The following STARD13 variants were observed in gnomAD, a reference collection of about 807,000 sequenced individuals.
STARD13 encodes the protein stAR-related lipid transfer protein 13.
STARD13 carries 62 observed loss-of-function variants against 106.4 expected under a neutral mutation model. The ratio of observed to expected loss-of-function variants is 0.58; its 90% confidence interval spans 0.48 to 0.72. The LOEUF (loss-of-function observed/expected upper bound fraction) is 0.72. STARD13 is among the 30% of genes least tolerant of loss of function. STARD13 has a pLI of 0.00. For missense variants in STARD13, 1,387 were observed against 1,424.0 expected, an observed-to-expected ratio of 0.97 and a Z score of 0.42; for synonymous variants, 565 against 553.0, an observed-to-expected ratio of 1.02 and a Z score of -0.31.
chr13:33,140,948 G>A (rs1232417238), intron 4 of STARD13, among the ~76,000 whole-genome samples: 5 of 151,920 alleles, frequency 3.3e-5, no homozygotes, highest in Non-Finnish European at 4.4e-5. Flanking sequence ...TAGTAGAGAC[G>A]GGTTTCACCA....
chr13:33,332,773 A>G (rs1256374991), intron 1 of STARD13, among the ~76,000 whole-genome samples: 5 of 152,152 alleles, frequency 3.3e-5, no homozygotes, highest in African/African-American at 9.7e-5. Flanking sequence ...TGCTAATTAC[A>G]ACACTTACAT....
At chr13:33,587,115 C>A in the STARD13 span, among the ~76,000 whole-genome samples, 1 of 151,370 alleles carries the variant, frequency 6.6e-6, no homozygotes, top group African/African-American at 2.4e-5. Flanking sequence ...ACTCAGGAGG[C>A]TGGGGCAGGA....
At chr13:33,212,345 G>C (rs1013182764) in intron 1 of STARD13, among the ~76,000 whole-genome samples, 5 of 152,186 alleles carry the variant, frequency 3.3e-5, no homozygotes, top group African/African-American at 2.4e-5. Context: ...CATATGTGCA[G>C]ATATCCAGAG....
At chr13:33,314,394 C>T (rs1893252408) in intron 1 of STARD13, among the ~76,000 whole-genome samples, 1 of 152,124 alleles carries the variant, frequency 6.6e-6, no homozygotes, top group Non-Finnish European at 1.5e-5. Flanking sequence ...GGACTACAGC[C>T]ACGGTGGTAG....
At chr13:33,563,802 G>A in the STARD13 span, among the ~76,000 whole-genome samples, 1 of 147,424 alleles carries the variant, frequency 6.8e-6, no homozygotes, top group Non-Finnish European at 1.5e-5. Context: ...CAGAATGAGA[G>A]AAAATATTTG....
the STARD13 span, among the ~76,000 whole-genome samples, chr13:33,398,997 C>T: frequency 6.6e-6 from 1 of 152,132 alleles, no homozygotes; most frequent in Non-Finnish European, 1.5e-5. Flanking sequence ...ACTCAAAAGT[C>T]TGTCAACAGG....
intron 7 of STARD13, among the ~76,000 whole-genome samples, chr13:33,124,167 G>A (rs1233149345): frequency 6.6e-6 from 1 of 152,114 alleles, no homozygotes; most frequent in African/African-American, 2.4e-5. Context: ...TGTTTCTCTA[G>A]TTCTCCCCTT....
chr13:33,230,231 A>T (rs992966097), intron 1 of STARD13, among the ~76,000 whole-genome samples: 6 of 152,238 alleles, frequency 3.9e-5, no homozygotes, highest in Non-Finnish European at 7.3e-5. Context: ...CAGCTGCAAC[A>T]TAAGATCATC....
chr13:33,635,840 C>T, the STARD13 span, among the ~76,000 whole-genome samples: 4 of 151,472 alleles, frequency 2.6e-5, no homozygotes, highest in Admixed American at 6.6e-5. Flanking sequence ...AAAAATTAGC[C>T]GGGTGTGGTG....
chr13:33,624,507 C>T, the STARD13 span, among the ~76,000 whole-genome samples: 1 of 152,220 alleles, frequency 6.6e-6, no homozygotes. Flanking sequence ...TCTCCTTACA[C>T]CAAGAGTTCC....
chr13:33,169,493 G>A (rs948856386), intron 1 of STARD13, among the ~76,000 whole-genome samples: 2 of 152,122 alleles, frequency 1.3e-5, no homozygotes, highest in African/African-American at 4.8e-5. Context: ...TTTGCTTCCC[G>A]CTCCCATATA....
the STARD13 span, among the ~76,000 whole-genome samples, chr13:33,660,630 C>T: frequency 8.5e-5 from 13 of 152,178 alleles, no homozygotes; most frequent in African/African-American, 2.7e-4. Flanking sequence ...GTTGCCCAGG[C>T]TGGAGTGAAG....
chr13:33,606,247 G>T, the STARD13 span, among the ~76,000 whole-genome samples: 1 of 152,080 alleles, frequency 6.6e-6, no homozygotes, highest in Non-Finnish European at 1.5e-5. Flanking sequence ...GTTGCAGTGA[G>T]CCAAGATCGC....
intron 1 of STARD13, among the ~76,000 whole-genome samples, chr13:33,254,462 T>G (rs998765621): frequency 6.6e-6 from 1 of 152,184 alleles, no homozygotes; most frequent in African/African-American, 2.4e-5. Context: ...TTTGAAAGTA[T>G]TCTGTTGATA....
chr13:33,496,272 A>G, the STARD13 span, among the ~76,000 whole-genome samples: 1 of 149,080 alleles, frequency 6.7e-6, no homozygotes, highest in African/African-American at 2.4e-5. Flanking sequence ...TAGAATTTAC[A>G]TATGAATTAT....
At chr13:33,196,150 C>T (rs112650292) in intron 1 of STARD13, among the ~76,000 whole-genome samples, 2 of 152,148 alleles carry the variant, frequency 1.3e-5, no homozygotes, top group African/African-American at 4.8e-5. Context: ...TTTGGGAGGC[C>T]GAGGTGGGTG....
chr13:33,652,037 A>G, the STARD13 span, among the ~76,000 whole-genome samples: 1 of 152,242 alleles, frequency 6.6e-6, no homozygotes, highest in Non-Finnish European at 1.5e-5. Context: ...CGTTGAGCAG[A>G]ACTGCCCAGT....
chr13:33,119,472 G>A (rs1875926066), intron 7 of STARD13, among the ~76,000 whole-genome samples: 1 of 152,118 alleles, frequency 6.6e-6, no homozygotes, highest in Non-Finnish European at 1.5e-5. Context: ...TGCCAGGCCG[G>A]CCTCCACCCA....
chr13:33,336,905 T>C (rs149890474), intron 1 of STARD13, among the ~76,000 whole-genome samples: 1 of 152,288 alleles, frequency 6.6e-6, no homozygotes, highest in Non-Finnish European at 1.5e-5. Flanking sequence ...GGTGAAAAAG[T>C]AATTGTGGTT....
Sources: allele counts gnomAD v4.1 joint callset (sites outside exome capture counted in the v4.1 genomes callset), GRCh38; gene constraint gnomAD v4.1.1; transcripts MANE v1.5; gene names NCBI Gene and HGNC (gene_info 2026-07-23, HGNC 2026-07-21).